ALDH3B2: variants seen among roughly 807,000 people sequenced by gnomAD.
ALDH3B2 encodes aldehyde dehydrogenase 3 family member B2, also known as aldehyde dehydrogenase family 3 member B2.
ALDH3B2 carries 45 observed loss-of-function variants against 36.7 expected under a neutral mutation model. The ratio of observed to expected loss-of-function variants is 1.23; its 90% CI spans 0.97 to 1.57. ALDH3B2 has a LOEUF of 1.57. ALDH3B2 is among the 40% of genes most tolerant of loss of function. The probability of loss-of-function intolerance (pLI) is 0.00; values close to 1 mark genes in which losing one functional copy is unlikely to be tolerated. For missense variants in ALDH3B2, 464 were observed against 513.3 expected, an observed-to-expected ratio of 0.90 and a Z score of 0.93; for synonymous variants, 217 against 226.5, an observed-to-expected ratio of 0.96 and a Z score of 0.38.
chr11:67,671,205 G>T (rs924765581), intron 1 of ALDH3B2: 2 of 152,320 alleles, frequency 1.3e-5, no homozygotes, highest in Non-Finnish European at 2.9e-5. Flanking sequence ...CGTGGTCACA[G>T]CTTTCCCAGG....
At position 67,666,822 on chromosome 11, in the gene ALDH3B2, G is replaced by A. The variant is rs1026310648; in HGVS notation, c.30+84C>T. The A allele has an allele frequency of 2.5e-5, 40 of 1,608,762 alleles. 1 individual carries two copies. The South Asian group carries it at 3.5e-4, about 14-fold the overall frequency. The stretch of plus-strand genomic sequence containing the variant: ...AGACGAGAAAATCAGTGACTCGCCC[G>A]GGGCCTCAGGGGCAGAAGGGGGCCT... On this transcript the variant is annotated intron_variant, in intron 3 of 9. Transcript: ENST00000349015.
At chr11:67,675,277 C>T (rs1856242652), upstream of ALDH3B2, among the ~76,000 whole-genome samples, 1 of 152,152 alleles carries the variant, frequency 6.6e-6, no homozygotes, top group Non-Finnish European at 1.5e-5. Flanking sequence ...ACAATAACAC[C>T]TAATTGCCAT....
At chr11:67,679,293 C>A (rs1445968638), upstream of ALDH3B2, among the ~76,000 whole-genome samples, 1 of 151,980 alleles carries the variant, frequency 6.6e-6, no homozygotes, top group Admixed American at 6.6e-5. Context: ...CATGATGAAA[C>A]CCCGTCTCTA....
intron 9 of ALDH3B2, 123 bp downstream of exon 9, chr11:67,663,539 G>C: frequency 7.4e-7 from 1 of 1,344,078 alleles, no homozygotes; most frequent in Non-Finnish European, 1.0e-6. Flanking sequence ...TTTACAGATA[G>C]GGAAACTGAG....
chr11:67,672,134 G>GTGTA (rs1335115763), intron 1 of ALDH3B2, among the ~76,000 whole-genome samples: 4 of 97,620 alleles, frequency 4.1e-5, no homozygotes, highest in African/African-American at 1.4e-4. Flanking sequence ...GTGTGTGTGT[G>GTGTA]TATATATATA....
rs74946629 is a variant in ALDH3B2 at position 67,666,562 on chromosome 11, C to T, written c.151+12G>A. On this transcript the variant is annotated intron_variant, in intron 4 of 9. Transcript: ENST00000349015. ...GGCGGGGAGAGCATGGGGTTCGGAA[C>T]GCCCTCCTCACCTGCGGCGAGGGCG... The T allele has an allele frequency of 4.9e-3, 7,832 of 1,613,704 alleles. 216 individuals are homozygous for T. The African/African-American group carries it at 0.064, about 13-fold the overall frequency.
chr11:67,672,592 CT>C lies in ALDH3B2; in HGVS notation c.-245+1844del, dbSNP rs111601602. On this transcript the variant is annotated intron_variant, in intron 1 of 9. Coordinates refer to ENST00000349015, the Ensembl canonical transcript of ALDH3B2. Reference sequence around the variant, plus strand: ...ACGTCCTCAACCTTGGCAAAATTAACTTTTTTTTTTTTTTAAGATGGAGTCT... The same window carrying C: ...ACGTCCTCAACCTTGGCAAAATTAACTTTTTTTTTTTTTAAGATGGAGTCT... 6.1e-3 allele frequency among the ~76,000 whole-genome samples: 880 copies of C among 145,068 alleles called. 1 individual carries two copies. Among genetic ancestry groups the C allele is most frequent in the African/African-American group, 0.014 (536 of 39,698 alleles).
intron 1 of ALDH3B2, among the ~76,000 whole-genome samples, chr11:67,668,136 G>C (rs1029578436): frequency 6.6e-6 from 1 of 152,202 alleles, no homozygotes; most frequent in African/African-American, 2.4e-5. Context: ...AGATCACAGA[G>C]CTTTGAGGTC....
chr11:67,672,634 GCTGGAGTGCAA>G (rs1856160023), intron 1 of ALDH3B2, among the ~76,000 whole-genome samples: 1 of 151,774 alleles, frequency 6.6e-6, no homozygotes, highest in African/African-American at 2.4e-5. Context: ...TGTCACCCAG[GCTGGAGTGCAA>G]CTGGCATGAT....
Position 67,666,886 on chromosome 11 carries a change from C to T in ALDH3B2, c.30+20G>A, listed in dbSNP as rs374258648. The T allele has an allele frequency of 1.2e-4, 192 of 1,614,060 alleles. No homozygotes were observed. Among genetic ancestry groups the T allele is most frequent in the Non-Finnish European group, 1.5e-4 (176 of 1,180,026 alleles). On this transcript the variant is annotated intron_variant, in intron 3 of 9. Transcript: ENST00000349015. Reference sequence around the variant, plus strand: ...CCGGTGCCCTGCCCTGCCCTCCTGCCGCCTGCCAGCAGGGCTCACCAGGTT... The same window carrying T: ...CCGGTGCCCTGCCCTGCCCTCCTGCTGCCTGCCAGCAGGGCTCACCAGGTT...
At chr11:67,680,962 G>C (rs1234703937) in intron 1 of ALDH3B2, among the ~76,000 whole-genome samples, 1 of 152,152 alleles carries the variant, frequency 6.6e-6, no homozygotes, top group Non-Finnish European at 1.5e-5. Context: ...GATATTGTTA[G>C]CTCAGATCCT....
At chr11:67,663,239 G>C (rs528290645) in exon 10 of ALDH3B2, 2 of 1,611,980 alleles carry the variant, frequency 1.2e-6, no homozygotes, top group Admixed American at 3.3e-5. Flanking sequence ...AGCTCTGGGA[G>C]CCCATGCCCC....
upstream of ALDH3B2, among the ~76,000 whole-genome samples, chr11:67,676,723 GA>G (rs1856280412): frequency 6.6e-6 from 1 of 152,070 alleles, no homozygotes; most frequent in African/African-American, 2.4e-5. Flanking sequence ...ACCAAGAAAA[GA>G]AGAGAGAAAA....
intron 1 of ALDH3B2, among the ~76,000 whole-genome samples, chr11:67,672,764 A>G (rs1856163171): frequency 6.9e-6 from 1 of 144,876 alleles, no homozygotes. Flanking sequence ...TAATTTTTAT[A>G]ATTTTTAGTA....
chr11:67,669,258 A>G (rs1157489482), intron 1 of ALDH3B2, among the ~76,000 whole-genome samples: 64 of 108,818 alleles, frequency 5.9e-4, no homozygotes, highest in East Asian at 3.1e-3. Flanking sequence ...GTGTGTATGG[A>G]TGTCTGTGTG....
At chr11:67,665,992 G>C in intron 6 of ALDH3B2, 130 bp downstream of exon 6, 2 of 1,246,946 alleles carry the variant, frequency 1.6e-6, no homozygotes, top group East Asian at 4.7e-5. Context: ...CAGGCAGACG[G>C]ACTCTGTGCC....
chr11:67,669,633 G>A (rs543122154), intron 1 of ALDH3B2, among the ~76,000 whole-genome samples: 16 of 144,456 alleles, frequency 1.1e-4, no homozygotes, highest in African/African-American at 4.1e-4. Context: ...TATGTGTATG[G>A]GTGTGTGTGT....
chr11:67,666,351 C>A (rs748504612), exon 5 of ALDH3B2: 3 of 1,606,358 alleles, frequency 1.9e-6, no homozygotes, highest in Non-Finnish European at 2.5e-6. Flanking sequence ...TCAGCCAGGA[C>A]CTTCTCTGTG....
chr11:67,666,543 G>A, intron 4 of ALDH3B2, 31 bp downstream of exon 4: 2 of 1,613,326 alleles, frequency 1.2e-6, no homozygotes, highest in Non-Finnish European at 1.7e-6. Flanking sequence ...ACTGGGCGGG[G>A]AGAGCATGGG....
Sources: allele counts gnomAD v4.1 joint callset (sites outside exome capture counted in the v4.1 genomes callset), GRCh38; gene constraint gnomAD v4.1.1; transcripts MANE v1.5; gene names NCBI Gene and HGNC (gene_info 2026-07-23, HGNC 2026-07-21).